PCDH9: variants seen among roughly 807,000 people sequenced by gnomAD.
The protein encoded by PCDH9 is protocadherin 9.
In PCDH9, 24 loss-of-function variants were observed where a neutral mutation model predicts 70.6. The ratio of observed to expected loss-of-function variants is 0.34; its 90% CI spans 0.25 to 0.48. The LOEUF (loss-of-function observed/expected upper bound fraction) is 0.48, where lower values mean the gene tolerates loss of function less well. Ranked by LOEUF, PCDH9 falls within the 20% of genes least tolerant of loss-of-function variation. The pLI is 0.99. For missense variants in PCDH9, 1,281 were observed against 1,503.6 expected (o/e 0.85, Z 2.45); for synonymous variants, 562 against 558.5 (o/e 1.01, Z -0.09).
At chr13:67,158,707 C>T (rs927826336) in intron 2 of PCDH9, among the ~76,000 whole-genome samples, 1 of 152,170 alleles carries the variant, frequency 6.6e-6, no homozygotes, top group Non-Finnish European at 1.5e-5. Flanking sequence ...GCCACCCACT[C>T]TATGATGTTC....
At chr13:66,623,235 CATTT>C (rs962039347) in intron 4 of PCDH9, among the ~76,000 whole-genome samples, 5 of 152,246 alleles carry the variant, frequency 3.3e-5, no homozygotes, top group Non-Finnish European at 7.3e-5. Flanking sequence ...ATTGTGTTAA[CATTT>C]AATTTCTCAA....
At chr13:66,400,546 CA>C (rs1957168458) in intron 4 of PCDH9, among the ~76,000 whole-genome samples, 1 of 152,010 alleles carries the variant, frequency 6.6e-6, no homozygotes, top group Non-Finnish European at 1.5e-5. Context: ...TTTGCATTTG[CA>C]GTAATAAATA....
At chr13:67,095,060 G>GT (rs923360525) in intron 2 of PCDH9, among the ~76,000 whole-genome samples, 22 of 151,188 alleles carry the variant, frequency 1.5e-4, no homozygotes, top group African/African-American at 2.4e-4. Flanking sequence ...AAGCATGAGA[G>GT]TTTTTTTTTC....
At chr13:67,121,876 G>T (rs2086883523) in intron 2 of PCDH9, among the ~76,000 whole-genome samples, 1 of 151,800 alleles carries the variant, frequency 6.6e-6, no homozygotes, top group Non-Finnish European at 1.5e-5. Context: ...ATTTTTGTTT[G>T]TTTTGTTGTT....
chr13:66,856,550 C>G (rs1024547752), intron 3 of PCDH9, among the ~76,000 whole-genome samples: 1 of 152,014 alleles, frequency 6.6e-6, no homozygotes, highest in African/African-American at 2.4e-5. Flanking sequence ...TTTTCAGACA[C>G]AGGATATGTG....
In PCDH9 at chr13:66,864,773, A is replaced by G. The variant is rs1433801635; in HGVS notation, c.3138+38731T>C. On this transcript the variant is annotated intron_variant, in intron 3 of 4. Transcript: ENST00000377865. ...TGTTTTAGAAGTGAAACTAGGAAGCATTAATCAGATCTGAGGGTGTTTTAT... is the reference window on the plus strand; with the variant it reads ...TGTTTTAGAAGTGAAACTAGGAAGCGTTAATCAGATCTGAGGGTGTTTTAT... 2.6e-5 allele frequency among the ~76,000 whole-genome samples: 4 copies of G among 152,232 alleles called. No homozygotes were observed. The East Asian group carries it at 7.7e-4, about 29-fold the overall frequency.
At chr13:66,305,447 T>A (rs921772933) in intron 4 of PCDH9, among the ~76,000 whole-genome samples, 1 of 151,962 alleles carries the variant, frequency 6.6e-6, no homozygotes, top group African/African-American at 2.4e-5. Flanking sequence ...ATGTGTAATA[T>A]TAAAGAATAT....
intron 4 of PCDH9, among the ~76,000 whole-genome samples, chr13:66,329,727 T>A (rs1023653754): frequency 1.3e-5 from 2 of 152,176 alleles, no homozygotes; most frequent in Admixed American, 1.3e-4. Context: ...TGCTTGTGTG[T>A]CTCCATGTGT....
chr13:66,672,987 T>C (rs2078197758), intron 3 of PCDH9, among the ~76,000 whole-genome samples: 2 of 152,260 alleles, frequency 1.3e-5, no homozygotes, highest in South Asian at 2.1e-4. Flanking sequence ...CTGTGGACTT[T>C]TGAGTTAATG....
chr13:67,121,270 C>T (rs9571714), intron 2 of PCDH9, among the ~76,000 whole-genome samples: 140,124 of 152,246 alleles, frequency 0.92, 64,603 homozygotes, highest in East Asian at 0.98. Flanking sequence ...GTCTGGGACA[C>T]TCAAGCTCCT....
chr13:66,375,029 CCAGT>C (rs1353430436), intron 4 of PCDH9, among the ~76,000 whole-genome samples: 2 of 151,962 alleles, frequency 1.3e-5, no homozygotes, highest in Non-Finnish European at 2.9e-5. Flanking sequence ...GATTTAAAGG[CCAGT>C]CAGAGATTAA....
rs34374674 is a variant in PCDH9, at chr13:66,980,078, C to CTCTATCTATCTA, written c.3037-76485_3037-76474dup. Among the ~76,000 whole-genome samples, 346 of 147,132 alleles carry CTCTATCTATCTA rather than the reference C, an allele frequency of 2.4e-3. 4 individuals carry two copies. The highest frequency in any genetic ancestry group is 6.9e-3 in the Middle Eastern group (2 of 290). On this transcript the variant is annotated intron_variant, in intron 2 of 4. Transcript: ENST00000377865. ...AATGACACTAACTTAAATTATCCAT[C>CTCTATCTATCTA]TCTATCTATCTATCTATCTATCTAT...
At chr13:66,538,214 G>T (rs12869171) in intron 4 of PCDH9, among the ~76,000 whole-genome samples, 35,732 of 151,656 alleles carry the variant, frequency 0.24, 4,632 homozygotes, top group South Asian at 0.34. Flanking sequence ...AAGATGATGC[G>T]GTAACAATTA....
At chr13:66,750,984 G>T in intron 3 of PCDH9, among the ~76,000 whole-genome samples, 1 of 152,102 alleles carries the variant, frequency 6.6e-6, no homozygotes, top group Admixed American at 6.6e-5. Context: ...TGAAATATCA[G>T]AAACGGGCCA....
intron 3 of PCDH9, among the ~76,000 whole-genome samples, chr13:66,844,001 T>C (rs1312880518): frequency 1.3e-5 from 2 of 152,178 alleles, no homozygotes; most frequent in African/African-American, 2.4e-5. Flanking sequence ...AATACTTCAC[T>C]TTCTAATACA....
intron 3 of PCDH9, among the ~76,000 whole-genome samples, chr13:66,717,505 A>ATATATATATATG (rs2078886789): frequency 1.5e-5 from 2 of 132,656 alleles, no homozygotes; most frequent in South Asian, 2.4e-4. Context: ...ATATATATAT[A>ATATATATATATG]TATGTATATA....
chr13:66,953,482 A>T (rs946357960), intron 2 of PCDH9, among the ~76,000 whole-genome samples: 10 of 152,196 alleles, frequency 6.6e-5, no homozygotes, highest in African/African-American at 2.2e-4. Flanking sequence ...TTTTGTATGC[A>T]TGTACACATA....
chr13:66,694,204 C>G (rs1246145569), intron 3 of PCDH9, among the ~76,000 whole-genome samples: 1 of 152,160 alleles, frequency 6.6e-6, no homozygotes, highest in Non-Finnish European at 1.5e-5. Context: ...GTAATAAAAT[C>G]TTGTATGTAA....
At chr13:66,476,824 A>G (rs777533384) in intron 4 of PCDH9, among the ~76,000 whole-genome samples, 101 of 152,098 alleles carry the variant, frequency 6.6e-4, no homozygotes, top group Non-Finnish European at 1.1e-3. Flanking sequence ...GTATAATGTT[A>G]ACATGATGGT....
Sources: gnomAD v4.1 joint callset for allele counts (sites outside exome capture counted in the v4.1 genomes callset) on GRCh38, gnomAD v4.1.1 for gene constraint, MANE v1.5 for transcripts, NCBI Gene and HGNC (gene_info 2026-07-23, HGNC 2026-07-21) for gene names.